The following CRYBG1 variants were observed in gnomAD, a reference collection of about 807,000 sequenced individuals.
The protein encoded by CRYBG1 is beta/gamma crystallin domain-containing protein 1.
In CRYBG1, 139 loss-of-function variants were observed where a neutral mutation model predicts 189.2. The ratio of observed to expected loss-of-function variants is 0.73; its 90% CI spans 0.64 to 0.85. CRYBG1 has a LOEUF of 0.85. Ranked by LOEUF, CRYBG1 falls within the 40% of genes least tolerant of loss-of-function variation. The probability of loss-of-function intolerance (pLI) is 0.00; values close to 1 mark genes in which losing one functional copy is unlikely to be tolerated. For missense variants in CRYBG1, 2,611 were observed against 2,675.8 expected (o/e 0.98, Z 0.53); for synonymous variants, 1,023 against 1,017.1 (o/e 1.01, Z -0.11).
intron 2 of CRYBG1, among the ~76,000 whole-genome samples, chr6:106,503,072 G>A (rs1773042820): frequency 6.6e-6 from 1 of 152,192 alleles, no homozygotes. Flanking sequence ...TCGGGAATAT[G>A]GGGAGAGAGA....
At chr6:106,456,454 A>T (rs1771891181) in intron 2 of CRYBG1, among the ~76,000 whole-genome samples, 1 of 152,036 alleles carries the variant, frequency 6.6e-6, no homozygotes, top group African/African-American at 2.4e-5. Flanking sequence ...GAGCCACTAC[A>T]CCTGGCCTTA....
intron 2 of CRYBG1, among the ~76,000 whole-genome samples, chr6:106,468,974 G>A (rs1166270719): frequency 6.6e-6 from 1 of 152,092 alleles, no homozygotes; most frequent in Non-Finnish European, 1.5e-5. Context: ...CTACTCCTCT[G>A]CATGTAACTT....
chr6:106,448,815 A>G (rs920604762), intron 1 of CRYBG1, among the ~76,000 whole-genome samples: 2 of 152,122 alleles, frequency 1.3e-5, no homozygotes, highest in African/African-American at 4.8e-5. Context: ...TCTCAGCCTC[A>G]AAGGGTTGGG....
At chr6:106,558,330 G>A (rs1334631081) in intron 17 of CRYBG1, among the ~76,000 whole-genome samples, 156 bp from the exon 18 acceptor site, 1 of 151,940 alleles carries the variant, frequency 6.6e-6, no homozygotes, top group Non-Finnish European at 1.5e-5. Context: ...CTAGCTTGGA[G>A]TACACAAACA....
chr6:106,393,300 C>T (rs1316724923), intron 1 of CRYBG1, among the ~76,000 whole-genome samples: 1 of 152,196 alleles, frequency 6.6e-6, no homozygotes, highest in Non-Finnish European at 1.5e-5. Context: ...GGGAGTATGG[C>T]TGTCGTGCTC....
chr6:106,378,044 G>A (rs944875964), intron 1 of CRYBG1, among the ~76,000 whole-genome samples: 7 of 152,130 alleles, frequency 4.6e-5, no homozygotes, highest in Non-Finnish European at 2.9e-5. Flanking sequence ...AGCCTGTTGA[G>A]TGGCTCCCTT....
At chr6:106,452,244 T>TAAAAAAA (rs368102917) in intron 2 of CRYBG1, among the ~76,000 whole-genome samples, 1 of 108,836 alleles carries the variant, frequency 9.2e-6, no homozygotes, top group African/African-American at 3.7e-5. Context: ...CAGACTCTAC[T>TAAAAAAA]AAAAAAAAAA....
In CRYBG1 at chr6:106,560,872, T is replaced by C. The variant is rs1463622409; in HGVS notation, c.5925T>C (p.Asn1975=). ...QFLLSPAEVP[N]WYEFSGCRQI... is the part of the protein sequence containing the mutation. Reference sequence around the variant, plus strand: ...TATTGTCACCTGCAGAAGTACCTAATTGGTATGAATTCAGTGGCTGTCGCC... The same window carrying C: ...TATTGTCACCTGCAGAAGTACCTAACTGGTATGAATTCAGTGGCTGTCGCC... The change falls in exon 19 of 22, where the codon AAT becomes AAC. Residue 1975 remains asparagine, a synonymous_variant. Transcript: ENST00000633556. 2 of 1,612,922 alleles carry C rather than the reference T, an allele frequency of 1.2e-6. No homozygotes were observed. Among genetic ancestry groups the C allele is most frequent in the Non-Finnish European group, 1.7e-6 (2 of 1,179,600 alleles).
intron 1 of CRYBG1, among the ~76,000 whole-genome samples, chr6:106,386,916 G>A (rs921003873): frequency 6.6e-6 from 1 of 152,194 alleles, no homozygotes; most frequent in Admixed American, 6.5e-5. Context: ...TTGAGACAGG[G>A]TTGATTTGGA....
intron 1 of CRYBG1, among the ~76,000 whole-genome samples, chr6:106,369,947 C>A (rs1177391491): frequency 6.6e-6 from 1 of 152,150 alleles, no homozygotes; most frequent in African/African-American, 2.4e-5. Context: ...GATCTTGAGT[C>A]CTTGTGGTTA....
At chr6:106,394,332 C>T (rs775415338) in intron 1 of CRYBG1, among the ~76,000 whole-genome samples, 1 of 152,210 alleles carries the variant, frequency 6.6e-6, no homozygotes, top group African/African-American at 2.4e-5. Flanking sequence ...GTCTTACACT[C>T]GTGAGTGCTC....
In CRYBG1 at chr6:106,530,332, C is replaced by T. The variant is rs893016692; in HGVS notation, c.4718+17C>T. On this transcript the variant is annotated intron_variant, in intron 8 of 21. Coordinates refer to ENST00000633556, the MANE Select transcript of CRYBG1 (RefSeq NM_001371242.2). ...TTGGGGCACGTAAGTATTTTTTTTT[C>T]AAACAAATTTTAATGAAGTTTTTTT... 16 of 1,583,976 alleles carry T rather than the reference C, an allele frequency of 1.0e-5. No homozygotes were observed. The highest frequency in any genetic ancestry group is 1.7e-4 in the Middle Eastern group (1 of 5,890).
chr6:106,382,226 C>T (rs1246835834), intron 1 of CRYBG1, among the ~76,000 whole-genome samples: 2 of 152,130 alleles, frequency 1.3e-5, no homozygotes, highest in African/African-American at 4.8e-5. Flanking sequence ...TTGCTGGCTA[C>T]ATCTAGGACA....
intron 1 of CRYBG1, among the ~76,000 whole-genome samples, chr6:106,378,942 C>G (rs1017679759): frequency 6.6e-6 from 1 of 151,926 alleles, no homozygotes. Context: ...CTGAGGTGAT[C>G]GAAACCAACC....
At chr6:106,365,850 T>C (rs1338947546) in intron 1 of CRYBG1, among the ~76,000 whole-genome samples, 9 of 151,966 alleles carry the variant, frequency 5.9e-5, no homozygotes, top group Non-Finnish European at 1.0e-4. Context: ...GGAGGAAAAG[T>C]GTAGCCAGTG....
chr6:106,405,653 G>T (rs1030060462), intron 1 of CRYBG1, among the ~76,000 whole-genome samples: 1 of 152,196 alleles, frequency 6.6e-6, no homozygotes. Flanking sequence ...GGCATCTGGC[G>T]GGTGCCCCTC....
At chr6:106,429,386 C>G (rs1003560695) in intron 1 of CRYBG1, among the ~76,000 whole-genome samples, 2 of 130,768 alleles carry the variant, frequency 1.5e-5, no homozygotes, top group African/African-American at 5.1e-5. Context: ...GGGAATTTCT[C>G]CCACATCCAT....
chr6:106,393,822 G>A (rs1463634993), intron 1 of CRYBG1, among the ~76,000 whole-genome samples: 1 of 151,934 alleles, frequency 6.6e-6, no homozygotes, highest in Non-Finnish European at 1.5e-5. Flanking sequence ...ACAGCCATGT[G>A]CCACCATGCT....
chr6:106,536,945 G>C (rs971879815), intron 8 of CRYBG1, among the ~76,000 whole-genome samples: 13 of 152,176 alleles, frequency 8.5e-5, no homozygotes, highest in African/African-American at 2.9e-4. Context: ...CTGCATATGA[G>C]TTTTCAAATT....
Sources: allele counts gnomAD v4.1 joint callset (sites outside exome capture counted in the v4.1 genomes callset), GRCh38; gene constraint gnomAD v4.1.1; transcripts MANE v1.5; gene names NCBI Gene and HGNC (gene_info 2026-07-23, HGNC 2026-07-21).